Variants in C1orf105 observed in about 807,000 individuals in gnomAD.
The protein encoded by C1orf105 is chromosome 1 open reading frame 105, also known as uncharacterized protein C1orf105.
A neutral mutation model predicts 20.8 loss-of-function variants in C1orf105; 17 were observed. That is an observed-to-expected ratio of 0.82 (90% CI 0.56 to 1.23). C1orf105 has a LOEUF of 1.23. Ranked by LOEUF, C1orf105 falls within the 50% of genes most tolerant of loss-of-function variation. C1orf105 has a pLI of 0.00. For synonymous variants in C1orf105, 72 were observed against 72.1 expected (o/e 1.00, Z 0.01); for missense variants, 219 against 213.5 (o/e 1.03, Z -0.16).
intron 3 of C1orf105, among the ~76,000 whole-genome samples, chr1:172,455,405 G>A (rs145429077): frequency 7.2e-5 from 11 of 152,226 alleles, no homozygotes; most frequent in East Asian, 1.9e-4. Context: ...GCCAGCAAGC[G>A]GATCAAAGGA....
At chr1:172,432,835 G>A (rs1195940966) in intron 1 of C1orf105, among the ~76,000 whole-genome samples, 2 of 152,148 alleles carry the variant, frequency 1.3e-5, no homozygotes, top group Admixed American at 6.6e-5. Context: ...AAAGAAGCAT[G>A]TTCTAAGCAA....
intron 2 of C1orf105, 118 bp from the exon 3 acceptor site, chr1:172,448,323 A>G: frequency 1.0e-5 from 7 of 693,894 alleles, no homozygotes; most frequent in Middle Eastern, 2.5e-4. Context: ...AGTGCTCCAG[A>G]ACTGGAGTGG....
intron 3 of C1orf105, among the ~76,000 whole-genome samples, chr1:172,454,767 C>T (rs1649052973): frequency 6.6e-6 from 1 of 152,120 alleles, no homozygotes; most frequent in Non-Finnish European, 1.5e-5. Flanking sequence ...GCTCAATGAC[C>T]CCTTTCAGCT....
intron 1 of C1orf105, among the ~76,000 whole-genome samples, chr1:172,439,814 C>A (rs1363542323): frequency 6.6e-6 from 1 of 152,148 alleles, no homozygotes; most frequent in Admixed American, 6.5e-5. Context: ...TATCTTCAAC[C>A]ACCAACACCT....
intron 1 of C1orf105, among the ~76,000 whole-genome samples, chr1:172,427,843 A>G (rs2071762671): frequency 6.6e-6 from 1 of 152,144 alleles, no homozygotes; most frequent in Non-Finnish European, 1.5e-5. Context: ...TGGTGATCTC[A>G]TTCAGTCTCA....
chr1:172,423,381 C>G (rs771154500), intron 1 of C1orf105, among the ~76,000 whole-genome samples: 1 of 152,220 alleles, frequency 6.6e-6, no homozygotes, highest in Non-Finnish European at 1.5e-5. Flanking sequence ...TCTAGGACCA[C>G]CAAGGTGGTA....
intron 1 of C1orf105, among the ~76,000 whole-genome samples, chr1:172,423,070 G>A (rs936358931): frequency 1.3e-5 from 2 of 152,226 alleles, no homozygotes; most frequent in Non-Finnish European, 2.9e-5. Context: ...TTCCCTGAAG[G>A]AAAGGACACA....
At chr1:172,420,945 A>G (rs370593509) in intron 1 of C1orf105, 39 bp downstream of exon 1, 25 of 1,566,874 alleles carry the variant, frequency 1.6e-5, no homozygotes, top group Non-Finnish European at 1.9e-5. Flanking sequence ...TTCTTTCCTT[A>G]TGGGGTTACC....
intron 4 of C1orf105, among the ~76,000 whole-genome samples, chr1:172,458,504 G>A (rs995062720): frequency 1.6e-4 from 24 of 152,040 alleles, no homozygotes; most frequent in African/African-American, 5.8e-4. Context: ...AGAAGCACAA[G>A]AGCTATACAA....
intron 1 of C1orf105, among the ~76,000 whole-genome samples, chr1:172,435,169 A>C (rs6665281): frequency 0.87 from 131,922 of 152,156 alleles, 57,550 homozygotes; most frequent in East Asian, 1. Context: ...ACCAGAGGTA[A>C]AAAGAGGAGC....
intron 1 of C1orf105, chr1:172,442,540 T>G (rs750452407): frequency 1.4e-5 from 23 of 1,614,048 alleles, no homozygotes; most frequent in Non-Finnish European, 1.9e-5. Context: ...CCGGTCCACA[T>G]AGTTATCAGG....
chr1:172,462,750 T>G (rs2149192731), intron 5 of C1orf105, among the ~76,000 whole-genome samples: 1 of 152,200 alleles, frequency 6.6e-6, no homozygotes, highest in African/African-American at 2.4e-5. Flanking sequence ...AGTTTTTTTG[T>G]GTGTTTTGTT....
At chr1:172,456,999 T>C (rs759140177) in intron 4 of C1orf105, among the ~76,000 whole-genome samples, 14 of 152,028 alleles carry the variant, frequency 9.2e-5, no homozygotes, top group Non-Finnish European at 1.6e-4. Context: ...TTGTAACATA[T>C]AGTGGAGAAT....
chr1:172,467,646 A>C lies in C1orf105; in HGVS notation c.407-803A>C, dbSNP rs114588990. Among the ~76,000 whole-genome samples, 812 of 152,142 alleles carry C rather than the reference A, an allele frequency of 5.3e-3. 9 individuals are homozygous for C. Among genetic ancestry groups the C allele is most frequent in the African/African-American group, 0.019 (779 of 41,510 alleles). On this transcript the variant is annotated intron_variant, in intron 6 of 6. Transcript: ENST00000367727. ...TGACCTTGGACTGCTGTTCCCTCTTAATTACAGTGATGAGACTGAACTGGA... is the reference window on the plus strand; with the variant it reads ...TGACCTTGGACTGCTGTTCCCTCTTCATTACAGTGATGAGACTGAACTGGA...
At chr1:172,425,559 AG>A (rs919724050) in intron 1 of C1orf105, among the ~76,000 whole-genome samples, 1 of 152,046 alleles carries the variant, frequency 6.6e-6, no homozygotes, top group African/African-American at 2.4e-5. Context: ...TGGTGGCCAA[AG>A]GAGTATGCCT....
At chr1:172,436,035 G>A (rs1030370796) in intron 1 of C1orf105, among the ~76,000 whole-genome samples, 3 of 152,112 alleles carry the variant, frequency 2.0e-5, no homozygotes, top group Non-Finnish European at 4.4e-5. Context: ...ACTTACAAAG[G>A]ATGTGAAGGA....
chr1:172,441,489 C>T lies in C1orf105; in HGVS notation c.22-3584C>T, dbSNP rs1647304362. The T allele has an allele frequency of 8.5e-6, 3 of 354,846 alleles. No individual in the cohort carries two copies. The South Asian group carries it at 3.0e-4, about 36-fold the overall frequency. 22.0% of individuals were successfully genotyped at this position (354,846 alleles called of 1,614,324 possible). On this transcript the variant is annotated intron_variant, in intron 1 of 6. Coordinates refer to ENST00000367727, the MANE Select transcript of C1orf105 (RefSeq NM_139240.4). ...GTTATTTTTTTAATAGAAACCACAT[C>T]ACTTCATATGTTACAGCATGTAATT...
At chr1:172,427,370 T>C (rs970978240) in intron 1 of C1orf105, among the ~76,000 whole-genome samples, 2 of 152,192 alleles carry the variant, frequency 1.3e-5, no homozygotes, top group East Asian at 3.8e-4. Context: ...CTTCCCTCTC[T>C]CACACCATCA....
At chr1:172,442,940 G>A (rs1558132968) in intron 1 of C1orf105, 1 of 275,622 alleles carries the variant, frequency 3.6e-6, no homozygotes, top group East Asian at 7.8e-5. Context: ...AATGTATGTG[G>A]TAGTCACCTT....
Sources: allele counts gnomAD v4.1 joint callset (sites outside exome capture counted in the v4.1 genomes callset), GRCh38; gene constraint gnomAD v4.1.1; transcripts MANE v1.5; gene names NCBI Gene and HGNC (gene_info 2026-07-23, HGNC 2026-07-21).